RACGAP1: variants seen among roughly 807,000 people sequenced by gnomAD.
RACGAP1 encodes Rac GTPase activating protein 1.
RACGAP1 carries 30 observed loss-of-function variants against 78.1 expected under a neutral mutation model. The observed-to-expected ratio is 0.38, with a 90% confidence interval of 0.29 to 0.52. The LOEUF (loss-of-function observed/expected upper bound fraction) is 0.52. RACGAP1 is among the 20% of genes least tolerant of loss of function. The pLI is 0.82. For missense variants in RACGAP1, 587 were observed against 777.1 expected (o/e 0.76, Z 2.91); for synonymous variants, 231 against 264.8 (o/e 0.87, Z 1.24).
chr12:50,017,506 C>A, intron 1 of RACGAP1, among the ~76,000 whole-genome samples: 1 of 152,284 alleles, frequency 6.6e-6, no homozygotes, highest in African/African-American at 2.4e-5. Flanking sequence ...ATAGAAAAAA[C>A]AGTGTCGTTA....
chr12:50,021,591 A>G (rs1267897674), intron 1 of RACGAP1, among the ~76,000 whole-genome samples: 1 of 152,200 alleles, frequency 6.6e-6, no homozygotes, highest in Non-Finnish European at 1.5e-5. Context: ...AAAAGTCTCT[A>G]TCCTCTTCTT....
In RACGAP1 at chr12:49,992,092, A is replaced by G. The variant is rs752242790; in HGVS notation, c.1620T>C (p.Ser540=). ...TCTCTTGCTCCACCATCATGAACTG[A>G]CTCCAATACTCCAGAGGCAAGGAAA... ...RLLSLPLEYW[S]QFMMVEQENI... is the part of the protein sequence containing the mutation. The change falls in exon 15 of 17, where the codon AGT becomes AGC. Residue 540 remains serine, a synonymous_variant. Coordinates refer to ENST00000312377, the MANE Select transcript of RACGAP1 (RefSeq NM_001319999.2). The G allele has an allele frequency of 2.2e-4, 356 of 1,613,804 alleles. 1 individual carries two copies. The highest frequency in any genetic ancestry group is 6.7e-5 in the Non-Finnish European group (79 of 1,179,992).
chr12:49,991,507 T>TA (rs1947874287), intron 15 of RACGAP1, among the ~76,000 whole-genome samples: 2 of 114,820 alleles, frequency 1.7e-5, no homozygotes, highest in African/African-American at 6.9e-5. Context: ...TTTTTTTTTT[T>TA]AGACAGAGTC....
Position 50,019,857 on chromosome 12 carries a change from C to A in RACGAP1, c.-4-3138G>T, listed in dbSNP as rs540453842. 1.8e-4 allele frequency: 27 copies of A among 152,116 alleles called. No homozygotes were observed. The East Asian group carries it at 4.4e-3, about 25-fold the overall frequency. 9.4% of individuals were successfully genotyped at this position (152,116 alleles called of 1,614,324 possible). On this transcript the variant is annotated intron_variant, in intron 1 of 16. Coordinates refer to ENST00000312377, the MANE Select transcript of RACGAP1 (RefSeq NM_001319999.2). ...GCTCTATTTACCTCATAGAATATTA[C>A]AAAAATTTTAAAATGTATAAGTTTA...
At chr12:50,016,317 G>A (rs1949676874) in intron 2 of RACGAP1, among the ~76,000 whole-genome samples, 1 of 152,140 alleles carries the variant, frequency 6.6e-6, no homozygotes, top group Non-Finnish European at 1.5e-5. Flanking sequence ...GGGGAGCAGA[G>A]GTTGCAGTGA....
At chr12:49,994,051 A>T (rs2137258142) in intron 12 of RACGAP1, 80 bp downstream of exon 12, 2 of 1,348,110 alleles carry the variant, frequency 1.5e-6, no homozygotes, top group East Asian at 5.0e-5. Flanking sequence ...AAAAAATAAA[A>T]AATAAATAAA....
At chr12:49,999,909 T>G (rs936552135) in intron 7 of RACGAP1, among the ~76,000 whole-genome samples, 176 bp from the exon 8 acceptor site, 1 of 152,074 alleles carries the variant, frequency 6.6e-6, no homozygotes, top group Non-Finnish European at 1.5e-5. Flanking sequence ...TGGAGAACAG[T>G]GGCGTGATCT....
chr12:50,004,024 G>A (rs1948832059), intron 5 of RACGAP1, among the ~76,000 whole-genome samples: 2 of 152,160 alleles, frequency 1.3e-5, no homozygotes, highest in Non-Finnish European at 2.9e-5. Flanking sequence ...GCCAAATTCT[G>A]AATTATATAT....
chr12:49,993,302 T>C (rs1948017986), intron 12 of RACGAP1, among the ~76,000 whole-genome samples: 1 of 152,050 alleles, frequency 6.6e-6, no homozygotes. Flanking sequence ...GGAGTAAACT[T>C]GGTATATTCT....
intron 2 of RACGAP1, among the ~76,000 whole-genome samples, chr12:50,030,643 T>C (rs55990533): frequency 0.16 from 24,778 of 151,896 alleles, 3,341 homozygotes; most frequent in African/African-American, 0.37. Context: ...AACCCGCGAT[T>C]GCGCCACTGC....
intron 1 of RACGAP1, among the ~76,000 whole-genome samples, chr12:50,019,521 A>G (rs1949879520): frequency 6.6e-6 from 1 of 152,138 alleles, no homozygotes; most frequent in Non-Finnish European, 1.5e-5. Context: ...AACGTGTAAT[A>G]TAGTTTAAAG....
At position 49,992,062 on chromosome 12, in the gene RACGAP1, A is replaced by G. The variant is rs770629153; in HGVS notation, c.1650T>C (p.Ile550=). 9 of 1,614,162 alleles carry G rather than the reference A, an allele frequency of 5.6e-6. No individual in the cohort carries two copies. The highest frequency in any genetic ancestry group is 3.3e-5 in the Admixed American group (2 of 60,008). ...AGTTTTCAATGACATGTAGGGGGTC[A>G]ATGTTCTCTTGCTCCACCATCATGA... ...SQFMMVEQEN[I]DPLHVIENSN... is the part of the protein sequence containing the mutation. Residue 550 remains isoleucine (I), a synonymous_variant, in exon 15 of 17, where the codon ATT becomes ATC. Transcript: ENST00000312377.
Position 50,006,583 on chromosome 12 carries a change from T to C in RACGAP1, c.139A>G (p.Thr47Ala). The change falls in exon 3 of 17, where the codon ACT becomes GCT. Residue 47 changes from threonine to alanine, a missense_variant. Thr to Ala is a moderately conservative substitution (Grantham distance 58). Coordinates refer to ENST00000312377, the MANE Select transcript of RACGAP1 (RefSeq NM_001319999.2). ...TTGTATTTCCCCAGCTCATGGTCAGTCCTCTGCCACTTTTTACGGAAATCC... is the reference window on the plus strand; with the variant it reads ...TTGTATTTCCCCAGCTCATGGTCAGCCCTCTGCCACTTTTTACGGAAATCC... ...FEDFRKKWQR[T>A]DHELGKYKDL... 6.2e-7 allele frequency: 1 copy of C among 1,614,168 alleles called. No individual in the cohort carries two copies. Among genetic ancestry groups the C allele is most frequent in the Non-Finnish European group, 8.5e-7 (1 of 1,180,018 alleles).
intron 1 of RACGAP1, chr12:50,018,451 C>A (rs2137643220): frequency 1.0e-6 from 1 of 975,150 alleles, no homozygotes; most frequent in South Asian, 1.4e-5. Context: ...TTAAAACCGG[C>A]AGGAAGAGCT....
upstream of RACGAP1, among the ~76,000 whole-genome samples, chr12:50,027,518 G>C (rs909182516): frequency 1.6e-4 from 24 of 152,208 alleles, no homozygotes; most frequent in African/African-American, 5.5e-4. Context: ...TGAAGAATGA[G>C]GCAAGCATAT....
intron 15 of RACGAP1, among the ~76,000 whole-genome samples, chr12:49,991,381 TGATA>T (rs1770198466): frequency 2.2e-5 from 3 of 137,886 alleles, no homozygotes; most frequent in African/African-American, 8.0e-5. Flanking sequence ...TTTAAGTAAA[TGATA>T]AATAAGATTA....
At chr12:50,028,013 G>A (rs1022750154), upstream of RACGAP1, among the ~76,000 whole-genome samples, 5 of 152,136 alleles carry the variant, frequency 3.3e-5, no homozygotes, top group East Asian at 1.9e-4. Context: ...CACTAGGAAC[G>A]GATTGGACTT....
chr12:50,018,549 C>T, intron 1 of RACGAP1: 1 of 1,288,860 alleles, frequency 7.8e-7, no homozygotes, highest in Non-Finnish European at 1.0e-6. Context: ...AGGGGCAGGA[C>T]ATTGGGTAGT....
rs750735816 is a variant in RACGAP1 at position 49,992,547 on chromosome 12, C to G, written c.1445+3G>C. On this transcript the variant is annotated splice_donor_region_variant and intron_variant, in intron 13 of 16. Transcript: ENST00000312377. ...TCCCAGAACAAGTTTCTGCTGTACT[C>G]ACCTCTGCAAGTGAATCATGAGGAA... 2.3e-5 allele frequency: 37 copies of G among 1,612,884 alleles called. No homozygotes were observed. Among genetic ancestry groups the G allele is most frequent in the Middle Eastern group, 3.3e-4 (2 of 6,066 alleles).
Sources: allele counts gnomAD v4.1 joint callset (sites outside exome capture counted in the v4.1 genomes callset), GRCh38; gene constraint gnomAD v4.1.1; transcripts MANE v1.5; gene names NCBI Gene and HGNC (gene_info 2026-07-23, HGNC 2026-07-21).